FSHR: variants seen among roughly 807,000 people sequenced by gnomAD.
The protein encoded by FSHR is follicle stimulating hormone receptor.
FSHR carries 46 observed loss-of-function variants against 52.1 expected under a neutral mutation model. The ratio of observed to expected loss-of-function variants is 0.88; its 90% CI spans 0.70 to 1.13. The LOEUF is 1.13. Ranked by LOEUF, FSHR falls within the 50% of genes most tolerant of loss-of-function variation. FSHR has a pLI of 0.00. For synonymous variants in FSHR, 399 were observed against 309.6 expected (o/e 1.29, Z -3.03); for missense variants, 964 against 834.6 (o/e 1.16, Z -1.91).
At chr2:49,122,339 G>A (rs571505983) in intron 1 of FSHR, among the ~76,000 whole-genome samples, 25 of 152,290 alleles carry the variant, frequency 1.6e-4, no homozygotes, top group African/African-American at 5.3e-4. Context: ...GAGGGGGGAT[G>A]GCTCTAGCCT....
At chr2:48,972,555 C>T (rs1360011015) in intron 8 of FSHR, among the ~76,000 whole-genome samples, 2 of 152,098 alleles carry the variant, frequency 1.3e-5, no homozygotes, top group East Asian at 3.9e-4. Flanking sequence ...TTGGCAACGC[C>T]TCTTCTAGCC....
chr2:49,096,379 A>T (rs974412955), intron 1 of FSHR, among the ~76,000 whole-genome samples: 3 of 152,248 alleles, frequency 2.0e-5, no homozygotes, highest in Non-Finnish European at 4.4e-5. Context: ...GTATATGATT[A>T]TTTTACATGA....
chr2:49,111,112 G>A (rs561965326), intron 1 of FSHR, among the ~76,000 whole-genome samples: 48 of 152,174 alleles, frequency 3.2e-4, no homozygotes, highest in Admixed American at 7.9e-4. Context: ...GATTAGTTCA[G>A]TTGTCACTAT....
intron 1 of FSHR, among the ~76,000 whole-genome samples, chr2:49,069,097 G>A (rs1229785169): frequency 6.6e-6 from 1 of 151,984 alleles, no homozygotes; most frequent in African/African-American, 2.4e-5. Flanking sequence ...CCTTCCAATG[G>A]CTCCTCATCT....
At chr2:49,142,307 T>C (rs1038919533) in intron 1 of FSHR, among the ~76,000 whole-genome samples, 3 of 152,152 alleles carry the variant, frequency 2.0e-5, no homozygotes, top group African/African-American at 7.2e-5. Flanking sequence ...GAGGTGGCAT[T>C]TGGGTAGAGA....
Position 48,982,952 on chromosome 2 carries a change from G to A in FSHR, c.628C>T (p.Pro210Ser). Residue 210 changes from proline to serine, a missense_variant, in exon 8 of 10, where the codon CCT (proline) becomes TCT (serine). Physicochemically the swap from Pro to Ser is moderately conservative, Grantham distance 74. Transcript: ENST00000406846. ...LSDNNNLEEL[P>S]NDVFHGASGP... ...GAGGCTCCGTGGAAAACATCATTAG[G>A]CAATTCTTCTAAATTATTATTATCG... 2 of 1,614,042 alleles carry A rather than the reference G, an allele frequency of 1.2e-6. No individual in the cohort carries two copies. Among genetic ancestry groups the A allele is most frequent in the Non-Finnish European group, 1.7e-6 (2 of 1,179,942 alleles).
rs72108367 is a variant in FSHR, at chr2:48,987,837, A to AACACACAC, written c.524+1132_524+1139dup. ...TTTCTGCACCCCATCACCTCATCTCAACACACACACACACACACACACACA... is the reference window on the plus strand; with the variant it reads ...TTTCTGCACCCCATCACCTCATCTCAACACACACACACACACACACACACACACACACA... On this transcript the variant is annotated intron_variant, in intron 6 of 9. Transcript: ENST00000406846. Among the ~76,000 whole-genome samples, 1,339 of 146,116 alleles carry AACACACAC rather than the reference A, an allele frequency of 9.2e-3. 9 individuals carry two copies. The highest frequency in any genetic ancestry group is 0.022 in the African/African-American group (873 of 39,616).
intron 1 of FSHR, among the ~76,000 whole-genome samples, chr2:49,075,751 T>G (rs1390325485): frequency 1.3e-5 from 2 of 152,030 alleles, no homozygotes; most frequent in African/African-American, 4.8e-5. Context: ...CCTCAACCTC[T>G]CAAACAGCTG....
At chr2:49,057,395 G>T (rs1463793518) in intron 2 of FSHR, among the ~76,000 whole-genome samples, 1 of 152,060 alleles carries the variant, frequency 6.6e-6, no homozygotes, top group Non-Finnish European at 1.5e-5. Flanking sequence ...GATCATTAAA[G>T]ATTGCTATGA....
chr2:49,077,506 G>T (rs1669992081), intron 1 of FSHR, among the ~76,000 whole-genome samples: 1 of 151,918 alleles, frequency 6.6e-6, no homozygotes, highest in Non-Finnish European at 1.5e-5. Context: ...AACGTGCCCT[G>T]GAGACATTTC....
At chr2:48,983,306 C>G (rs182216404) in intron 6 of FSHR, 140 bp from the exon 7 acceptor site, 554 of 737,820 alleles carry the variant, frequency 7.5e-4, no homozygotes, top group Middle Eastern at 4.2e-3. Context: ...CTTGGGGACA[C>G]GGGTGGGAGG....
intron 6 of FSHR, among the ~76,000 whole-genome samples, chr2:48,983,527 A>C (rs1675354201): frequency 6.6e-6 from 1 of 152,196 alleles, no homozygotes; most frequent in African/African-American, 2.4e-5. Context: ...ATCCTGAAGG[A>C]CAGGAATCGT....
chr2:49,051,762 G>A (rs574507778), intron 2 of FSHR, among the ~76,000 whole-genome samples: 1 of 151,624 alleles, frequency 6.6e-6, no homozygotes, highest in Admixed American at 6.6e-5. Context: ...TCTACTTAAG[G>A]AATCTTTGCC....
At chr2:49,087,878 A>G (rs958490239) in intron 1 of FSHR, among the ~76,000 whole-genome samples, 15 of 152,220 alleles carry the variant, frequency 9.9e-5, no homozygotes, top group African/African-American at 3.1e-4. Context: ...ACCAATTTTA[A>G]TTATATTGAG....
intron 9 of FSHR, among the ~76,000 whole-genome samples, chr2:48,968,463 G>A (rs1674576370): frequency 6.6e-6 from 1 of 152,194 alleles, no homozygotes; most frequent in Non-Finnish European, 1.5e-5. Context: ...TTAGTACTTG[G>A]TATATGTTCT....
intron 1 of FSHR, among the ~76,000 whole-genome samples, chr2:49,132,997 G>T (rs1183758105): frequency 1.2e-5 from 1 of 84,872 alleles, no homozygotes; most frequent in Non-Finnish European, 2.3e-5. Context: ...AAAAAAAAAG[G>T]CAAGTTTGTG....
In FSHR at chr2:48,997,251, G is replaced by T. The variant is rs1443722546; in HGVS notation, c.375-6614C>A. The T allele has an allele frequency of 1.2e-5, 12 of 984,860 alleles. No homozygotes were observed. The South Asian group carries it at 1.4e-4, about 12-fold the overall frequency. The allele number at this position is 984,860 out of a possible 1,614,324, so 61.0% of individuals were successfully genotyped here. On this transcript the variant is annotated intron_variant, in intron 4 of 9. Transcript: ENST00000406846. The stretch of plus-strand genomic sequence containing the variant: ...ATTATGTGAGACAGTAGGAAAGCCT[G>T]GTTTCTTGCCTTTTCGATCTCACAT...
chr2:48,979,437 A>T (rs1456354638), intron 8 of FSHR, among the ~76,000 whole-genome samples: 1 of 151,942 alleles, frequency 6.6e-6, no homozygotes, highest in Non-Finnish European at 1.5e-5. Flanking sequence ...AAAAACCACA[A>T]AAACACCCCC....
At chr2:49,062,512 T>C (rs971458565) in intron 2 of FSHR, among the ~76,000 whole-genome samples, 1 of 152,022 alleles carries the variant, frequency 6.6e-6, no homozygotes, top group African/African-American at 2.4e-5. Context: ...TGTGTGAAGA[T>C]TTTTATGGAG....
Sources: gnomAD v4.1 joint callset for allele counts (sites outside exome capture counted in the v4.1 genomes callset) on GRCh38, gnomAD v4.1.1 for gene constraint, MANE v1.5 for transcripts, NCBI Gene and HGNC (gene_info 2026-07-23, HGNC 2026-07-21) for gene names.